C12orf42: variants seen among roughly 807,000 people sequenced by gnomAD.
The protein encoded by C12orf42 is uncharacterized protein C12orf42.
In C12orf42, 25 loss-of-function variants were observed where a neutral mutation model predicts 21.6. That is an observed-to-expected ratio of 1.16 (90% CI 0.84 to 1.62). The LOEUF (loss-of-function observed/expected upper bound fraction) is 1.62, where lower values mean the gene tolerates loss of function less well. Ranked by LOEUF, C12orf42 falls within the 40% of genes most tolerant of loss-of-function variation. The probability of loss-of-function intolerance (pLI) is 0.00; values close to 1 mark genes in which losing one functional copy is unlikely to be tolerated. For synonymous variants in C12orf42, 174 were observed against 175.0 expected (o/e 0.99, Z 0.05); for missense variants, 483 against 459.3 (o/e 1.05, Z -0.47).
At chr12:103,538,902 A>T in the C12orf42 span, among the ~76,000 whole-genome samples, 2 of 152,122 alleles carry the variant, frequency 1.3e-5, no homozygotes, top group Admixed American at 6.6e-5. Context: ...GAGGACATTG[A>T]GATAATGGAA....
At chr12:103,501,680 T>C in the C12orf42 span, among the ~76,000 whole-genome samples, 778 of 152,288 alleles carry the variant, frequency 5.1e-3, 5 homozygotes, top group African/African-American at 0.017. Flanking sequence ...CAGCCATCAT[T>C]GACATATATA....
chr12:103,357,384 T>C (rs925576693), intron 4 of C12orf42, among the ~76,000 whole-genome samples: 4 of 151,928 alleles, frequency 2.6e-5, no homozygotes, highest in Admixed American at 2.6e-4. Context: ...TCATGCCACA[T>C]GGGGAGGTTT....
At chr12:103,474,057 C>G (rs1022895433) in intron 2 of C12orf42, among the ~76,000 whole-genome samples, 4 of 152,052 alleles carry the variant, frequency 2.6e-5, no homozygotes, top group Non-Finnish European at 1.5e-5. Flanking sequence ...ACATCACCAT[C>G]CACCACCCCA....
At chr12:103,391,811 C>T (rs970200865) in intron 3 of C12orf42, among the ~76,000 whole-genome samples, 24 of 151,870 alleles carry the variant, frequency 1.6e-4, no homozygotes, top group African/African-American at 5.5e-4. Flanking sequence ...GGCTTTGATG[C>T]ACAAAAAAAA....
At chr12:103,128,017 T>A in the C12orf42 span, among the ~76,000 whole-genome samples, 2 of 152,230 alleles carry the variant, frequency 1.3e-5, no homozygotes, top group Non-Finnish European at 2.9e-5. Context: ...TCCTCCTTTT[T>A]CTGAATGGCT....
chr12:103,396,389 A>C (rs562623053), intron 3 of C12orf42: 1 of 152,248 alleles, frequency 6.6e-6, no homozygotes, highest in Admixed American at 6.5e-5. Context: ...ACTGTCAGTC[A>C]ATTACGCCTC....
chr12:103,407,173 G>A (rs2048484084), intron 2 of C12orf42, among the ~76,000 whole-genome samples: 1 of 152,128 alleles, frequency 6.6e-6, no homozygotes, highest in African/African-American at 2.4e-5. Flanking sequence ...GTGTTCAGGT[G>A]TCTCCCATCA....
the C12orf42 span, among the ~76,000 whole-genome samples, chr12:103,509,837 C>CA: frequency 5.3e-5 from 8 of 151,900 alleles, no homozygotes; most frequent in African/African-American, 1.5e-4. Flanking sequence ...TGGCCATAAT[C>CA]AAAAAAATCA....
At chr12:103,226,075 C>T in the C12orf42 span, among the ~76,000 whole-genome samples, 2 of 152,146 alleles carry the variant, frequency 1.3e-5, no homozygotes, top group African/African-American at 2.4e-5. Flanking sequence ...ACAGATGGGA[C>T]GTGGCTTAGG....
At chr12:103,109,965 G>T in the C12orf42 span, among the ~76,000 whole-genome samples, 1 of 152,108 alleles carries the variant, frequency 6.6e-6, no homozygotes, top group Non-Finnish European at 1.5e-5. Context: ...TTTCAGTAAA[G>T]CAACAGTGAG....
chr12:103,087,741 A>G, the C12orf42 span, among the ~76,000 whole-genome samples: 1 of 152,236 alleles, frequency 6.6e-6, no homozygotes, highest in African/African-American at 2.4e-5. Flanking sequence ...ATGAGGTTCA[A>G]CAGTTTAGAG....
chr12:103,209,904 T>C, the C12orf42 span, among the ~76,000 whole-genome samples: 10 of 152,208 alleles, frequency 6.6e-5, no homozygotes, highest in African/African-American at 2.4e-4. Flanking sequence ...AATTAAATTT[T>C]GCTTTGATCA....
downstream of C12orf42, among the ~76,000 whole-genome samples, chr12:103,232,667 C>T (rs867309682): frequency 2.7e-5 from 4 of 149,838 alleles, no homozygotes; most frequent in South Asian, 2.1e-4. Flanking sequence ...GCCGAGATCA[C>T]GCCACTGCAC....
chr12:103,295,271 G>A (rs759914137), intron 4 of C12orf42, among the ~76,000 whole-genome samples: 2 of 152,052 alleles, frequency 1.3e-5, no homozygotes, highest in African/African-American at 2.4e-5. Context: ...CCTTGTCTGG[G>A]TAGTTTTAGA....
chr12:103,334,463 C>A (rs1284387809), intron 4 of C12orf42, among the ~76,000 whole-genome samples: 3 of 152,134 alleles, frequency 2.0e-5, no homozygotes, highest in Non-Finnish European at 2.9e-5. Context: ...CATCTAAAAC[C>A]CTGATCCCTT....
At chr12:103,243,509 TTTAA>T (rs2033856398) in intron 10 of C12orf42, among the ~76,000 whole-genome samples, 1 of 152,074 alleles carries the variant, frequency 6.6e-6, no homozygotes, top group Admixed American at 6.6e-5. Flanking sequence ...TTAAAATAAT[TTTAA>T]TTAATTAGAT....
chr12:103,419,254 T>C (rs2049646494), intron 2 of C12orf42, among the ~76,000 whole-genome samples: 1 of 152,160 alleles, frequency 6.6e-6, no homozygotes. Flanking sequence ...AAAAAAATTG[T>C]AAAGGAGTTT....
chr12:103,321,310 A>G (rs2040083654), intron 4 of C12orf42, among the ~76,000 whole-genome samples: 1 of 151,196 alleles, frequency 6.6e-6, no homozygotes, highest in African/African-American at 2.4e-5. Context: ...CAAAACCACA[A>G]TGAGATACCA....
At chr12:103,396,967 C>G (rs1432714530) in intron 3 of C12orf42, among the ~76,000 whole-genome samples, 1 of 152,198 alleles carries the variant, frequency 6.6e-6, no homozygotes, top group African/African-American at 2.4e-5. Context: ...CTAAGCTCTT[C>G]AATCCAGCTT....
Sources: allele counts gnomAD v4.1 joint callset (sites outside exome capture counted in the v4.1 genomes callset), GRCh38; gene constraint gnomAD v4.1.1; transcripts MANE v1.5; gene names NCBI Gene and HGNC (gene_info 2026-07-23, HGNC 2026-07-21).